Variants in CACNA2D1 observed in about 807,000 individuals in gnomAD.
CACNA2D1 encodes the protein calcium voltage-gated channel auxiliary subunit alpha2delta 1, also known as voltage-dependent calcium channel subunit alpha-2/delta-1.
CACNA2D1 carries 53 observed loss-of-function variants against 171.5 expected under a neutral mutation model. That is an observed-to-expected ratio of 0.31 (90% CI 0.25 to 0.39). The LOEUF is 0.39. Ranked by LOEUF, CACNA2D1 falls within the 10% of genes least tolerant of loss-of-function variation. The pLI, the probability that CACNA2D1 is intolerant of heterozygous loss-of-function variation, is 1.00. For synonymous variants in CACNA2D1, 442 were observed against 443.1 expected, an observed-to-expected ratio of 1.00 and a Z score of 0.03; for missense variants, 903 against 1,299.8, an observed-to-expected ratio of 0.69 and a Z score of 4.69.
At chr7:82,427,486 T>C (rs774806233) in intron 1 of CACNA2D1, among the ~76,000 whole-genome samples, 5 of 152,234 alleles carry the variant, frequency 3.3e-5, no homozygotes, top group Non-Finnish European at 5.9e-5. Context: ...AAGGTAGGTC[T>C]TACATCTAGT....
intron 4 of CACNA2D1, among the ~76,000 whole-genome samples, chr7:82,137,574 G>C (rs1023428278): frequency 2.0e-5 from 3 of 151,808 alleles, no homozygotes; most frequent in Non-Finnish European, 4.4e-5. Context: ...CAAAAACATA[G>C]ATGCTGTAAA....
At chr7:82,043,671 T>C (rs969015691) in intron 10 of CACNA2D1, among the ~76,000 whole-genome samples, 2 of 152,194 alleles carry the variant, frequency 1.3e-5, no homozygotes, top group African/African-American at 4.8e-5. Flanking sequence ...GTAAAGGCAG[T>C]CTCTATTTTT....
At chr7:82,438,018 C>T (rs896723556) in intron 1 of CACNA2D1, among the ~76,000 whole-genome samples, 1 of 152,144 alleles carries the variant, frequency 6.6e-6, no homozygotes, top group African/African-American at 2.4e-5. Context: ...TTCTTTCTCA[C>T]ACTTGTTTAA....
intron 13 of CACNA2D1, 109 bp from the exon 14 acceptor site, chr7:82,013,619 A>G (rs1800064610): frequency 2.8e-6 from 1 of 356,548 alleles, no homozygotes; most frequent in Non-Finnish European, 4.5e-6. Flanking sequence ...AAAACAATAT[A>G]TTTCACTTCA....
intron 4 of CACNA2D1, among the ~76,000 whole-genome samples, chr7:82,162,047 C>G (rs1409732401): frequency 2.6e-5 from 4 of 151,922 alleles, no homozygotes; most frequent in Admixed American, 6.6e-5. Context: ...AAGTGGTGCA[C>G]TAAAATGATG....
intron 12 of CACNA2D1, among the ~76,000 whole-genome samples, chr7:82,021,854 G>A (rs1426980267): frequency 6.6e-6 from 1 of 151,932 alleles, no homozygotes; most frequent in African/African-American, 2.4e-5. Flanking sequence ...AAGATATACT[G>A]TGAGCAGAGT....
At chr7:81,988,194 T>A (rs1047611683) in intron 21 of CACNA2D1, among the ~76,000 whole-genome samples, 2 of 152,144 alleles carry the variant, frequency 1.3e-5, no homozygotes, top group East Asian at 3.9e-4. Context: ...TGATACTTTG[T>A]TTTATCATAA....
chr7:81,998,921 A>G (rs13232638), intron 18 of CACNA2D1, among the ~76,000 whole-genome samples: 3 of 152,182 alleles, frequency 2.0e-5, no homozygotes, highest in Non-Finnish European at 4.4e-5. Context: ...AAAGTTTACA[A>G]CATTATTCAG....
intron 1 of CACNA2D1, among the ~76,000 whole-genome samples, chr7:82,357,593 T>C (rs553734935): frequency 7.9e-5 from 12 of 151,760 alleles, no homozygotes; most frequent in Non-Finnish European, 1.6e-4. Context: ...GAAAAGAATA[T>C]TGAAACAGAC....
intron 6 of CACNA2D1, among the ~76,000 whole-genome samples, chr7:82,090,289 A>G (rs1189208141): frequency 3.9e-5 from 6 of 152,116 alleles, no homozygotes; most frequent in Non-Finnish European, 1.5e-5. Flanking sequence ...AGATTTATGC[A>G]AGAAAAAAAG....
intron 1 of CACNA2D1, among the ~76,000 whole-genome samples, chr7:82,382,531 C>T (rs1269239219): frequency 5.3e-5 from 8 of 152,136 alleles, no homozygotes; most frequent in Admixed American, 5.2e-4. Flanking sequence ...GCGTGCTGGC[C>T]CATTCACAGA....
At chr7:82,209,505 A>G (rs1174357605) in intron 3 of CACNA2D1, among the ~76,000 whole-genome samples, 4 of 152,152 alleles carry the variant, frequency 2.6e-5, no homozygotes, top group Non-Finnish European at 5.9e-5. Flanking sequence ...GATCTAAAGA[A>G]AGCAGACAAC....
chr7:82,036,717 A>G (rs1186350127), intron 11 of CACNA2D1, among the ~76,000 whole-genome samples: 2 of 152,224 alleles, frequency 1.3e-5, no homozygotes, highest in Non-Finnish European at 2.9e-5. Context: ...ATTTTGGCTG[A>G]ATGAATAAAT....
intron 3 of CACNA2D1, among the ~76,000 whole-genome samples, chr7:82,274,664 G>C (rs902166538): frequency 9.2e-5 from 14 of 152,010 alleles, no homozygotes; most frequent in Non-Finnish European, 1.5e-5. Context: ...AAGCAATGTG[G>C]GGAGCACCAT....
chr7:82,316,560 C>G (rs1221049497), intron 3 of CACNA2D1, among the ~76,000 whole-genome samples: 1 of 152,080 alleles, frequency 6.6e-6, no homozygotes, highest in East Asian at 1.9e-4. Flanking sequence ...GAATGATGTT[C>G]TATCTGAAAG....
intron 4 of CACNA2D1, among the ~76,000 whole-genome samples, chr7:82,137,897 A>G (rs1466932736): frequency 6.6e-6 from 1 of 151,898 alleles, no homozygotes; most frequent in East Asian, 1.9e-4. Flanking sequence ...TATAATACAC[A>G]ATTTTTAAAA....
At chr7:82,442,123 T>C (rs748744448) in intron 1 of CACNA2D1, among the ~76,000 whole-genome samples, 2 of 152,208 alleles carry the variant, frequency 1.3e-5, no homozygotes, top group African/African-American at 2.4e-5. Flanking sequence ...TTCTCCGGGA[T>C]AGAATGTGCA....
chr7:82,155,739 T>C (rs2129121308), intron 4 of CACNA2D1, among the ~76,000 whole-genome samples: 1 of 152,248 alleles, frequency 6.6e-6, no homozygotes, highest in East Asian at 1.9e-4. Context: ...CTGATGACAT[T>C]TTAAAAAATG....
At chr7:82,372,185 G>A (rs1016399695) in intron 1 of CACNA2D1, among the ~76,000 whole-genome samples, 2 of 151,940 alleles carry the variant, frequency 1.3e-5, no homozygotes, top group African/African-American at 4.8e-5. Flanking sequence ...ATAATTTGAA[G>A]CTTAAAAACT....
Sources: allele counts gnomAD v4.1 joint callset (sites outside exome capture counted in the v4.1 genomes callset), GRCh38; gene constraint gnomAD v4.1.1; transcripts MANE v1.5; gene names NCBI Gene and HGNC (gene_info 2026-07-23, HGNC 2026-07-21).